Variants in SERINC5 observed in about 807,000 individuals in gnomAD.
The protein encoded by SERINC5 is chromosome 5 open reading frame 12.
Under a neutral mutation model 63.1 loss-of-function variants are expected in SERINC5, and 41 were observed. The observed-to-expected ratio is 0.65, with a 90% CI of 0.51 to 0.84. The LOEUF (loss-of-function observed/expected upper bound fraction) is 0.84, where lower values mean the gene tolerates loss of function less well. SERINC5 is among the 40% of genes least tolerant of loss of function. The pLI is 0.00. For missense variants in SERINC5, 523 were observed against 573.0 expected, an observed-to-expected ratio of 0.91 and a Z score of 0.89; for synonymous variants, 222 against 215.2, an observed-to-expected ratio of 1.03 and a Z score of -0.28.
intron 1 of SERINC5, among the ~76,000 whole-genome samples, chr5:80,205,071 C>T (rs1427273469): frequency 6.6e-6 from 1 of 152,172 alleles, no homozygotes; most frequent in Non-Finnish European, 1.5e-5. Context: ...TGAGGAGCTG[C>T]ACTTTGTGTT....
chr5:80,128,220 C>T (rs1331300069), intron 11 of SERINC5: 1 of 152,162 alleles, frequency 6.6e-6, no homozygotes, highest in Non-Finnish European at 1.5e-5. Context: ...GAAGATATTT[C>T]CAGACTCATC....
At chr5:80,189,809 G>A (rs6453508) in intron 2 of SERINC5, among the ~76,000 whole-genome samples, 18 of 151,702 alleles carry the variant, frequency 1.2e-4, no homozygotes, top group African/African-American at 3.9e-4. Context: ...ACTCCTAGAC[G>A]CAAGCCATCC....
Position 80,140,909 on chromosome 5 carries a change from A to G in SERINC5, c.*2754T>C. The stretch of plus-strand genomic sequence containing the variant: ...TATACTCTTTAGGTCATGTACAAAA[A>G]GGTGTAGGAAGCAAATGTCTATTAT... On this transcript the variant is annotated 3_prime_UTR_variant, in exon 12 of 12. Transcript: ENST00000507668. The G allele has an allele frequency of 1.0e-6, 1 of 985,260 alleles. No individual in the cohort carries two copies. The highest frequency in any genetic ancestry group is 1.2e-6 in the Non-Finnish European group (1 of 829,792). 61.0% of individuals were successfully genotyped at this position (985,260 alleles called of 1,614,324 possible). A position where few individuals can be genotyped will look rare whatever the true frequency, so the allele number is the denominator to read the frequency against.
intron 1 of SERINC5, among the ~76,000 whole-genome samples, chr5:80,254,874 G>T (rs538439264): frequency 6.6e-6 from 1 of 152,224 alleles, no homozygotes; most frequent in South Asian, 2.1e-4. Flanking sequence ...CAGTATAATC[G>T]CCGGTTACAG....
chr5:80,199,941 A>T (rs1320473471), intron 2 of SERINC5, among the ~76,000 whole-genome samples: 1 of 152,204 alleles, frequency 6.6e-6, no homozygotes, highest in Non-Finnish European at 1.5e-5. Flanking sequence ...AAAAAAACAC[A>T]AGTAGTACAT....
At chr5:80,229,621 G>A (rs1038280113) in intron 1 of SERINC5, among the ~76,000 whole-genome samples, 3 of 133,026 alleles carry the variant, frequency 2.3e-5, no homozygotes, top group African/African-American at 9.6e-5. Context: ...CTGCTTACAG[G>A]AACTAATTAA....
chr5:80,135,783 CT>C (rs1286081831), downstream of SERINC5, among the ~76,000 whole-genome samples: 2 of 150,976 alleles, frequency 1.3e-5, no homozygotes, highest in African/African-American at 4.9e-5. Flanking sequence ...TTGGATCTTC[CT>C]GAATTGCTAC....
intron 2 of SERINC5, among the ~76,000 whole-genome samples, chr5:80,190,051 C>T (rs956575492): frequency 8.6e-5 from 13 of 151,272 alleles, no homozygotes; most frequent in African/African-American, 2.7e-4. Context: ...TGGACCTGAA[C>T]GCAGTGGTAA....
intron 1 of SERINC5, among the ~76,000 whole-genome samples, chr5:80,220,941 G>A (rs111652522): frequency 1.3e-5 from 2 of 152,074 alleles, no homozygotes; most frequent in Non-Finnish European, 2.9e-5. Context: ...CTTGAGCAGC[G>A]TGGATGAGGG....
At chr5:80,117,448 G>A (rs1452565957) in intron 11 of SERINC5, among the ~76,000 whole-genome samples, 1 of 151,938 alleles carries the variant, frequency 6.6e-6, no homozygotes, top group Non-Finnish European at 1.5e-5. Context: ...GATGTAAGTT[G>A]GACACAAGAG....
At chr5:80,174,631 C>T (rs373793242) in intron 5 of SERINC5, among the ~76,000 whole-genome samples, 2 of 151,768 alleles carry the variant, frequency 1.3e-5, no homozygotes, top group Non-Finnish European at 2.9e-5. Context: ...AGGCCAGGTG[C>T]GGTGGCTCGA....
In SERINC5 at chr5:80,177,933, G is replaced by A. The variant is rs1268991499; in HGVS notation, c.327C>T (p.Thr109=). Residue 109 remains threonine, a synonymous_variant, in exon 3 of 12, where the codon ACC becomes ACT. Transcript: ENST00000507668. ...ACFFFIFCLL[T]LKINNSKSCR... is the part of the protein sequence containing the mutation. Reference sequence around the variant, plus strand: ...AACTTTTGCTGTTGTTGATTTTCAAGGTCAGTAGACAGAAGATAAAGAAGA... The same window carrying A: ...AACTTTTGCTGTTGTTGATTTTCAAAGTCAGTAGACAGAAGATAAAGAAGA... 2 of 1,611,804 alleles carry A rather than the reference G, an allele frequency of 1.2e-6. No individual in the cohort carries two copies. Among genetic ancestry groups the A allele is most frequent in the Non-Finnish European group, 1.7e-6 (2 of 1,179,090 alleles).
At chr5:80,157,751 C>T (rs992489096) in intron 8 of SERINC5, 3 of 152,198 alleles carry the variant, frequency 2.0e-5, no homozygotes, top group African/African-American at 7.2e-5. Flanking sequence ...TCTGCAACAA[C>T]AAGGAGACTC....
chr5:80,203,352 C>T (rs1749977758), intron 1 of SERINC5: 1 of 152,824 alleles, frequency 6.5e-6, no homozygotes. Context: ...CACACATGCA[C>T]ATATACACAC....
At chr5:80,194,749 A>T (rs1749400637) in intron 2 of SERINC5, among the ~76,000 whole-genome samples, 1 of 152,156 alleles carries the variant, frequency 6.6e-6, no homozygotes, top group South Asian at 2.1e-4. Context: ...TAGAAAGCGG[A>T]GGAAGGATAT....
At chr5:80,177,811 G>A (rs986460816) in intron 3 of SERINC5, 75 bp downstream of exon 3, 8 of 1,138,722 alleles carry the variant, frequency 7.0e-6, no homozygotes, top group Non-Finnish European at 9.9e-6. Flanking sequence ...TGTCTGGTGG[G>A]CAGATGGGAT....
At chr5:80,239,854 T>A (rs989202924) in intron 1 of SERINC5, among the ~76,000 whole-genome samples, 1 of 152,130 alleles carries the variant, frequency 6.6e-6, no homozygotes, top group East Asian at 1.9e-4. Flanking sequence ...TTGTTTATTA[T>A]GGTACAAGAA....
chr5:80,146,382 T>C, intron 10 of SERINC5, 148 bp from the exon 11 acceptor site: 1 of 859,044 alleles, frequency 1.2e-6, no homozygotes, highest in Non-Finnish European at 1.8e-6. Context: ...ATCTGTGCCC[T>C]AAGCACAAAA....
intron 8 of SERINC5, chr5:80,156,889 G>C (rs747422202): frequency 1.1e-4 from 17 of 151,780 alleles, no homozygotes; most frequent in Middle Eastern, 3.4e-3. Context: ...TGCCCTATGT[G>C]TGGTAACCAT....
Sources: allele counts gnomAD v4.1 joint callset (sites outside exome capture counted in the v4.1 genomes callset), GRCh38; gene constraint gnomAD v4.1.1; transcripts MANE v1.5; gene names NCBI Gene and HGNC (gene_info 2026-07-23, HGNC 2026-07-21).